Variants in KLF8 observed in about 807,000 individuals in gnomAD.
KLF8 encodes the protein KLF transcription factor 8, also known as Krueppel-like factor 8.
Under a neutral mutation model 18.2 loss-of-function variants are expected in KLF8, and 10 were observed. That is an observed-to-expected ratio of 0.55 (90% confidence interval 0.34 to 0.93). The LOEUF is 0.93. KLF8 is among the 40% of genes least tolerant of loss of function. The pLI is 0.02. For synonymous variants in KLF8, 109 were observed against 97.3 expected (o/e 1.12, Z -0.71); for missense variants, 264 against 277.9 (o/e 0.95, Z 0.36).
chrX:55,937,428 A>G, the KLF8 span, among the ~76,000 whole-genome samples: 7 of 112,182 alleles, frequency 6.2e-5, no homozygotes, highest in South Asian at 2.2e-3. Flanking sequence ...TGGGGAAAAA[A>G]CAGAGCAGAA....
At chrX:56,266,938 T>C (rs1229999724) in intron 3 of KLF8, 2 of 751,892 alleles carry the variant, frequency 2.7e-6, no homozygotes, top group Admixed American at 8.9e-5. Context: ...TTAATTGTGG[T>C]AATGATAAGT....
At chrX:56,166,956 A>G in the KLF8 span, among the ~76,000 whole-genome samples, 1 of 111,152 alleles carries the variant, frequency 9.0e-6, no homozygotes, top group Non-Finnish European at 1.9e-5. Context: ...TCAAGTGTCT[A>G]TGAGTTCTGA....
At chrX:56,051,138 C>T in the KLF8 span, among the ~76,000 whole-genome samples, 1 of 111,157 alleles carries the variant, frequency 9.0e-6, no homozygotes, top group Middle Eastern at 4.7e-3. Flanking sequence ...TTCCTCCATC[C>T]TTTTATTTTG....
the KLF8 span, among the ~76,000 whole-genome samples, chrX:56,121,139 T>A: frequency 1.1e-5 from 1 of 87,266 alleles, no homozygotes; most frequent in African/African-American, 4.9e-5. Flanking sequence ...TGAGCCGAGA[T>A]CCCGCCACTG....
the KLF8 span, among the ~76,000 whole-genome samples, chrX:55,991,381 C>T: frequency 5.4e-5 from 6 of 111,826 alleles, no homozygotes; most frequent in Admixed American, 2.8e-4. Context: ...GGGAGTGACT[C>T]GTTTCCAGTT....
At chrX:56,028,493 A>T in the KLF8 span, among the ~76,000 whole-genome samples, 2 of 111,159 alleles carry the variant, frequency 1.8e-5, no homozygotes, top group Non-Finnish European at 3.8e-5. Context: ...TTCTTCTTGG[A>T]CACCTTATAT....
chrX:56,163,924 G>A, the KLF8 span, among the ~76,000 whole-genome samples: 1 of 111,142 alleles, frequency 9.0e-6, no homozygotes, highest in Non-Finnish European at 1.9e-5. Flanking sequence ...GCAGTCTTAT[G>A]TCTGGGTACT....
chrX:56,092,103 G>A, the KLF8 span, among the ~76,000 whole-genome samples: 1 of 105,808 alleles, frequency 9.5e-6, no homozygotes, highest in Admixed American at 1.0e-4. Context: ...TTTGTTTCTT[G>A]GTTGCTTGTG....
chrX:56,058,301 T>TATAC, the KLF8 span, among the ~76,000 whole-genome samples: 1 of 31,839 alleles, frequency 3.1e-5, no homozygotes, highest in African/African-American at 9.5e-5. Flanking sequence ...TATATATATA[T>TATAC]ATATATATAT....
At chrX:55,945,535 C>A in the KLF8 span, among the ~76,000 whole-genome samples, 4 of 111,098 alleles carry the variant, frequency 3.6e-5, no homozygotes, top group East Asian at 1.1e-3. Flanking sequence ...CAATATCATA[C>A]TGAATGGGCA....
chrX:56,053,147 A>T, the KLF8 span, among the ~76,000 whole-genome samples: 3 of 112,144 alleles, frequency 2.7e-5, no homozygotes, highest in Non-Finnish European at 5.6e-5. Context: ...GCCCGCACCC[A>T]CTGACCTGCG....
At chrX:56,161,176 TG>T in the KLF8 span, among the ~76,000 whole-genome samples, 1 of 111,950 alleles carries the variant, frequency 8.9e-6, no homozygotes, top group African/African-American at 3.2e-5. Flanking sequence ...TATGAAATTC[TG>T]GGTTGAAAAT....
At chrX:56,108,282 A>T in the KLF8 span, among the ~76,000 whole-genome samples, 2 of 111,411 alleles carry the variant, frequency 1.8e-5, no homozygotes, top group Admixed American at 9.5e-5. Flanking sequence ...CTTATTTCTG[A>T]TCTTAAGGGG....
At chrX:56,172,874 T>G in the KLF8 span, among the ~76,000 whole-genome samples, 5 of 112,519 alleles carry the variant, frequency 4.4e-5, 1 homozygote, top group Non-Finnish European at 9.4e-5. Flanking sequence ...GAGCATTTTT[T>G]CATGTGTCTT....
At chrX:56,159,035 G>A in the KLF8 span, among the ~76,000 whole-genome samples, 1 of 111,686 alleles carries the variant, frequency 9.0e-6, no homozygotes, top group South Asian at 3.8e-4. Context: ...GTCATAGATA[G>A]CTCTTATTAT....
At chrX:56,056,416 C>T in the KLF8 span, among the ~76,000 whole-genome samples, 1 of 109,233 alleles carries the variant, frequency 9.2e-6, no homozygotes, top group East Asian at 2.9e-4. Flanking sequence ...TGTTCTCTGT[C>T]TCTCTGATGT....
the KLF8 span, among the ~76,000 whole-genome samples, chrX:56,116,918 C>A: frequency 9.1e-6 from 1 of 110,164 alleles, no homozygotes; most frequent in African/African-American, 3.3e-5. Context: ...TCTATACTTT[C>A]TTTGGTGCAA....
chrX:56,094,594 C>T, the KLF8 span, among the ~76,000 whole-genome samples: 9 of 110,792 alleles, frequency 8.1e-5, no homozygotes, highest in Non-Finnish European at 1.1e-4. Flanking sequence ...AACTAAAAGA[C>T]GCCATCAAAA....
intron 1 of KLF8, among the ~76,000 whole-genome samples, chrX:56,237,394 T>C (rs2066489964): frequency 9.1e-6 from 1 of 109,335 alleles, no homozygotes; most frequent in South Asian, 3.8e-4. Context: ...TTCTATTATA[T>C]ATATATGTGT....
Sources: allele counts gnomAD v4.1 joint callset (sites outside exome capture counted in the v4.1 genomes callset), GRCh38; gene constraint gnomAD v4.1.1; transcripts MANE v1.5; gene names NCBI Gene and HGNC (gene_info 2026-07-23, HGNC 2026-07-21).